The following GABRB3 variants were observed in gnomAD, a reference collection of about 807,000 sequenced individuals.
The protein encoded by GABRB3 is gamma-aminobutyric acid type A receptor subunit beta3, also known as gamma-aminobutyric acid receptor subunit beta-3.
Under a neutral mutation model 52.1 loss-of-function variants are expected in GABRB3, and 14 were observed. That is an observed-to-expected ratio of 0.27 (90% CI 0.18 to 0.42). The LOEUF is 0.42. Ranked by LOEUF, GABRB3 falls within the 10% of genes least tolerant of loss-of-function variation. GABRB3 has a pLI of 1.00. For missense variants in GABRB3, 307 were observed against 609.1 expected, an observed-to-expected ratio of 0.50 and a Z score of 5.22; for synonymous variants, 260 against 232.3, an observed-to-expected ratio of 1.12 and a Z score of -1.08.
At chr15:26,603,938 G>C (rs962824074) in intron 4 of GABRB3, among the ~76,000 whole-genome samples, 26 of 151,986 alleles carry the variant, frequency 1.7e-4, no homozygotes, top group African/African-American at 4.6e-4. Flanking sequence ...AATCAAACAA[G>C]AGAAAAATAA....
At chr15:26,616,064 T>C (rs1892245715) in intron 4 of GABRB3, 6 of 1,289,154 alleles carry the variant, frequency 4.7e-6, no homozygotes, top group Non-Finnish European at 6.1e-6. Flanking sequence ...ATAGTACCTA[T>C]TTACCAAAAA....
chr15:26,617,446 C>T (rs1892299803), intron 4 of GABRB3, among the ~76,000 whole-genome samples: 1 of 152,150 alleles, frequency 6.6e-6, no homozygotes. Flanking sequence ...CAGAAAAGCC[C>T]TTTGACAAAA....
chr15:26,734,644 A>G (rs1293187337), intron 3 of GABRB3, among the ~76,000 whole-genome samples: 1 of 151,504 alleles, frequency 6.6e-6, no homozygotes, highest in African/African-American at 2.4e-5. Flanking sequence ...GTCTCAAAAA[A>G]AAAAAAAAAA....
At chr15:26,715,175 C>T (rs772506383) in intron 3 of GABRB3, among the ~76,000 whole-genome samples, 16 of 152,266 alleles carry the variant, frequency 1.1e-4, no homozygotes, top group Middle Eastern at 3.4e-3. Flanking sequence ...CTCACCAGGA[C>T]CAGCGAGCTT....
chr15:26,621,169 T>TC lies in GABRB3; in HGVS notation c.461+144_461+145insG. 1.3e-6 allele frequency: 1 copy of TC among 749,250 alleles called. No homozygotes were observed. The highest frequency in any genetic ancestry group is 2.3e-6 in the Non-Finnish European group (1 of 431,890). 46.4% of individuals were successfully genotyped at this position (749,250 alleles called of 1,614,324 possible). On this transcript the variant is annotated intron_variant, in intron 4 of 8. Transcript: ENST00000311550. This position sits in a 1 kb window ranked among gnomAD's most constrained non-coding sequence, Gnocchi z 4.1. Reference sequence around the variant, plus strand: ...CCCAAATTTTATGGTTATGAGATTTTTTTTTCTGCAAAGCTTTAGTGCTTC... The same window carrying TC: ...CCCAAATTTTATGGTTATGAGATTTTCTTTTTCTGCAAAGCTTTAGTGCTTC...
intron 4 of GABRB3, among the ~76,000 whole-genome samples, chr15:26,588,122 C>T (rs1389488210): frequency 3.3e-5 from 5 of 152,088 alleles, no homozygotes; most frequent in South Asian, 2.1e-4. Flanking sequence ...ACAGAAGACA[C>T]GCCTGTGTCC....
chr15:26,545,592 C>T lies in GABRB3; in HGVS notation c.*2201G>A, dbSNP rs1373600036. The T allele has an allele frequency of 6.6e-6, 1 of 152,456 alleles. No homozygotes were observed. Among genetic ancestry groups the T allele is most frequent in the African/African-American group, 2.4e-5 (1 of 41,400 alleles). 9.4% of individuals were successfully genotyped at this position (152,456 alleles called of 1,614,324 possible). ...CCTCTTCTGCATGTGGACCTCACAC[C>T]TTTAATTACTGGATACAGAAAAAGA... On this transcript the variant is annotated 3_prime_UTR_variant, in exon 9 of 9. Transcript: ENST00000311550.
At chr15:26,549,729 C>G (rs1889388304) in intron 8 of GABRB3, among the ~76,000 whole-genome samples, 1 of 152,048 alleles carries the variant, frequency 6.6e-6, no homozygotes, top group African/African-American at 2.4e-5. Flanking sequence ...ATCCAGCATC[C>G]AATCAGATTG....
At chr15:26,629,078 G>A (rs1454913396) in intron 3 of GABRB3, 2 of 1,535,860 alleles carry the variant, frequency 1.3e-6, no homozygotes, top group African/African-American at 2.7e-5. Flanking sequence ...CACGCTAACC[G>A]GAAGTTGTGA....
At chr15:26,576,868 G>C (rs1484635962) in intron 6 of GABRB3, among the ~76,000 whole-genome samples, 3 of 152,130 alleles carry the variant, frequency 2.0e-5, no homozygotes, top group East Asian at 3.9e-4. Flanking sequence ...ACGGACTTAT[G>C]CGTGTTCAAA....
At chr15:26,773,444 CT>C (rs1365037033), upstream of GABRB3, among the ~76,000 whole-genome samples, 1 of 151,386 alleles carries the variant, frequency 6.6e-6, no homozygotes, top group Non-Finnish European at 1.5e-5. Context: ...AGTGCGGGGA[CT>C]GTCGGCAGCC....
At chr15:26,617,410 A>G (rs536730848) in intron 4 of GABRB3, among the ~76,000 whole-genome samples, 1 of 151,672 alleles carries the variant, frequency 6.6e-6, no homozygotes, top group Non-Finnish European at 1.5e-5. Context: ...CCAAAGAAAA[A>G]AACCACATGA....
chr15:26,655,652 G>C (rs1314594596), intron 3 of GABRB3, among the ~76,000 whole-genome samples: 1 of 151,582 alleles, frequency 6.6e-6, no homozygotes, highest in Admixed American at 6.6e-5. Flanking sequence ...TGAGGCAGGA[G>C]AATGGCCTGA....
upstream of GABRB3, among the ~76,000 whole-genome samples, chr15:26,773,432 C>T (rs1029795936): frequency 4.6e-5 from 7 of 151,228 alleles, no homozygotes; most frequent in African/African-American, 1.2e-4. Context: ...GGCGGCCGGG[C>T]GAGTGCGGGG....
chr15:26,567,835 G>T (rs1890235907), intron 6 of GABRB3, 102 bp from the exon 7 acceptor site: 2 of 1,150,112 alleles, frequency 1.7e-6, no homozygotes, highest in Non-Finnish European at 2.6e-6. Flanking sequence ...GGAAAAGTCT[G>T]CGAATAAAGG....
chr15:26,773,211 C>G (rs1891208788), upstream of GABRB3: 2 of 177,692 alleles, frequency 1.1e-5, no homozygotes, highest in Non-Finnish European at 2.3e-5. Flanking sequence ...GCCGCCGCGC[C>G]GCGCACCCTG....
At position 26,772,405 on chromosome 15, in the gene GABRB3, G is replaced by C; in HGVS notation, c.237C>G (p.Asn79Lys). 1 of 1,608,856 alleles carries C rather than the reference G, an allele frequency of 6.2e-7. No individual in the cohort carries two copies. The highest frequency in any genetic ancestry group is 8.5e-7 in the Non-Finnish European group (1 of 1,177,654). The change falls in exon 3 of 9, where the codon AAC (asparagine) becomes AAG (lysine). Residue 79 changes from asparagine to lysine, a missense_variant. By Grantham distance (94) the Asn-to-Lys change is moderately conservative. Around this residue, in one of 6 missense-constraint regions of GABRB3, gnomAD observed 31 missense variants for 71.2 expected, o/e 0.44. Transcript: ENST00000311550. ...IASIDMVSEV[N>K]MDYTLTMYFQ... ...CCCTGGGAGGGCGGGCACTCACCAT[G>C]TTGACTTCGGAAACCATGTCGATGC...
Position 26,773,020 on chromosome 15 carries a change from G to C in GABRB3, c.-58C>G, listed in dbSNP as rs1038176877. 8 of 1,225,650 alleles carry C rather than the reference G, an allele frequency of 6.5e-6. No individual in the cohort carries two copies. In the Admixed American group the frequency reaches 2.9e-4, roughly 44 times the overall value. 75.9% of individuals were successfully genotyped at this position (1,225,650 alleles called of 1,614,324 possible). On this transcript the variant is annotated 5_prime_UTR_variant, in exon 1 of 9. Coordinates refer to ENST00000311550, the MANE Select transcript of GABRB3 (RefSeq NM_000814.6). The stretch of plus-strand genomic sequence containing the variant: ...CGCCCCGCCGCCGTCGCGACCCGCA[G>C]CCGGGGCTGCTCCTGCTGCTGCCGC...
intron 4 of GABRB3, among the ~76,000 whole-genome samples, chr15:26,590,744 T>C (rs762135028): frequency 3.9e-5 from 6 of 152,212 alleles, no homozygotes; most frequent in Admixed American, 2.6e-4. Flanking sequence ...GGGAAAATGA[T>C]TGTGGTAAGT....
Sources: gnomAD v4.1 joint callset for allele counts (sites outside exome capture counted in the v4.1 genomes callset) on GRCh38, gnomAD v4.1.1 for gene constraint, gnomAD v4.1.1 regional missense constraint, Gnocchi (gnomAD v3.1) non-coding constraint, MANE v1.5 for transcripts, NCBI Gene and HGNC (gene_info 2026-07-23, HGNC 2026-07-21) for gene names.